TMEM209: variants seen among roughly 807,000 people sequenced by gnomAD.
The protein encoded by TMEM209 is testicular tissue protein Li 202.
Under a neutral mutation model 76.2 loss-of-function variants are expected in TMEM209, and 65 were observed. That is an observed-to-expected ratio of 0.85 (90% confidence interval 0.70 to 1.05). TMEM209 has a LOEUF of 1.05. Among genes scored for constraint, TMEM209 ranks in the 50% least tolerant of loss-of-function variants. TMEM209 has a pLI of 0.00. For missense variants in TMEM209, 623 were observed against 685.5 expected (o/e 0.91, Z 1.02); for synonymous variants, 239 against 237.6 (o/e 1.01, Z -0.06).
intron 8 of TMEM209, among the ~76,000 whole-genome samples, chr7:130,182,681 T>C (rs1325442418): frequency 1.3e-5 from 2 of 152,234 alleles, no homozygotes; most frequent in African/African-American, 4.8e-5. Context: ...TATGTGTTTG[T>C]AGCAACTTCA....
rs566944385 is a variant in TMEM209, at chr7:130,181,189, G to A, written c.1120+434C>T. On this transcript the variant is annotated intron_variant, in intron 9 of 14. Coordinates refer to ENST00000397622, the MANE Select transcript of TMEM209 (RefSeq NM_032842.4). ...ACAAACTTTGAAAGCATTATGCTCA[G>A]TGAAAGAAGCCAGTCACAAAGTCAT... Among the ~76,000 whole-genome samples the A allele has an allele frequency of 2.0e-5, 3 of 152,318 alleles. No individual in the cohort carries two copies. In the East Asian group the frequency reaches 5.8e-4, roughly 29 times the overall value.
At chr7:130,178,259 A>G in intron 10 of TMEM209, 143 bp downstream of exon 10, 1 of 826,742 alleles carries the variant, frequency 1.2e-6, no homozygotes, top group Non-Finnish European at 1.7e-6. Context: ...CCTACACAAA[A>G]TAAAGTTATT....
intron 7 of TMEM209, among the ~76,000 whole-genome samples, chr7:130,184,553 C>T (rs775107861): frequency 4.0e-5 from 6 of 148,236 alleles, no homozygotes; most frequent in Non-Finnish European, 5.9e-5. Context: ...AACACAGTGA[C>T]GCAATCTTAG....
chr7:130,181,827 G>T, intron 8 of TMEM209, 108 bp from the exon 9 acceptor site: 1 of 775,150 alleles, frequency 1.3e-6, no homozygotes, highest in Non-Finnish European at 2.1e-6. Flanking sequence ...CTATCTTATA[G>T]TTGAATATTA....
intron 5 of TMEM209, among the ~76,000 whole-genome samples, chr7:130,194,386 T>C (rs1584690963): frequency 6.6e-6 from 1 of 151,446 alleles, no homozygotes; most frequent in Admixed American, 6.6e-5. Flanking sequence ...GAGGCTATGG[T>C]GAGCCACGAC....
intron 6 of TMEM209, among the ~76,000 whole-genome samples, chr7:130,190,939 C>T (rs752013708): frequency 4.0e-5 from 6 of 148,834 alleles, no homozygotes; most frequent in African/African-American, 1.2e-4. Flanking sequence ...AAGGCTGCAG[C>T]GAGCCAAGAC....
intron 5 of TMEM209, among the ~76,000 whole-genome samples, chr7:130,201,600 T>C (rs1307541601): frequency 6.6e-6 from 1 of 152,224 alleles, no homozygotes; most frequent in Non-Finnish European, 1.5e-5. Context: ...TTGTTTCAAC[T>C]TGTTTTAAAG....
intron 10 of TMEM209, among the ~76,000 whole-genome samples, chr7:130,176,668 C>T (rs893985273): frequency 6.6e-6 from 1 of 151,796 alleles, no homozygotes; most frequent in African/African-American, 2.4e-5. Flanking sequence ...CAATCCAGTT[C>T]TTCTGACAAA....
At position 130,202,085 on chromosome 7, in the gene TMEM209, T is replaced by A. The variant is rs759223524; in HGVS notation, c.338A>T (p.Gln113Leu). ...TLLGLKTAVV[Q>L]TTPPHDLAAT... ...TGCCAGATCATGTGGAGGCGTAGTC[T>A]GTACAACTAGAAGGAAAAAAAAAGC... Residue 113 changes from glutamine to leucine, a missense_variant, in exon 5 of 15, where the codon CAG (glutamine) becomes CTG (leucine). Gln to Leu is a moderately radical substitution (Grantham distance 113, BLOSUM62 -2). Transcript: ENST00000397622. 6.8e-6 allele frequency: 11 copies of A among 1,608,516 alleles called. No homozygotes were observed. In the African/African-American group the frequency reaches 1.5e-4, roughly 22 times the overall value.
intron 1 of TMEM209, 73 bp from the exon 2 acceptor site, chr7:130,204,183 C>A: frequency 6.7e-7 from 1 of 1,495,860 alleles, no homozygotes; most frequent in East Asian, 2.4e-5. Flanking sequence ...AATTTTGCAT[C>A]CCTTATAAAG....
At chr7:130,190,998 T>G (rs1221323194) in intron 6 of TMEM209, among the ~76,000 whole-genome samples, 1 of 151,878 alleles carries the variant, frequency 6.6e-6, no homozygotes, top group East Asian at 1.9e-4. Context: ...AAAAAAAGTT[T>G]GATGGGGACC....
At chr7:130,177,698 G>A (rs971221869) in intron 10 of TMEM209, among the ~76,000 whole-genome samples, 1 of 152,086 alleles carries the variant, frequency 6.6e-6, no homozygotes, top group African/African-American at 2.4e-5. Flanking sequence ...GTTGAGGCTG[G>A]GTGATGTGTA....
Position 130,205,405 on chromosome 7 carries a change from C to T in TMEM209, c.-30G>A. The T allele has an allele frequency of 6.2e-7, 1 of 1,613,682 alleles. No individual in the cohort carries two copies. The highest frequency in any genetic ancestry group is 8.5e-7 in the Non-Finnish European group (1 of 1,179,894). On this transcript the variant is annotated 5_prime_UTR_variant, in exon 1 of 15. Transcript: ENST00000397622. ...TCTGGCCGGAAAACGCAGGCTCGCGCCACTCTCTCTGGGCATGCGCAAAGC... is the reference window on the plus strand; with the variant it reads ...TCTGGCCGGAAAACGCAGGCTCGCGTCACTCTCTCTGGGCATGCGCAAAGC...
At chr7:130,177,594 G>A (rs1313167689) in intron 10 of TMEM209, among the ~76,000 whole-genome samples, 1 of 152,060 alleles carries the variant, frequency 6.6e-6, no homozygotes, top group African/African-American at 2.4e-5. Flanking sequence ...ATTTACAGAT[G>A]AACTGATAAT....
At chr7:130,176,116 T>TTG (rs967077616) in intron 10 of TMEM209, among the ~76,000 whole-genome samples, 3 of 35,754 alleles carry the variant, frequency 8.4e-5, no homozygotes, top group African/African-American at 6.6e-4. Flanking sequence ...CACTGTATTC[T>TTG]TTTTTTTTTT....
chr7:130,193,823 A>C (rs190475101), intron 5 of TMEM209, among the ~76,000 whole-genome samples: 2 of 152,266 alleles, frequency 1.3e-5, no homozygotes, highest in South Asian at 2.1e-4. Flanking sequence ...AGAACGTACA[A>C]CACCAAGAGT....
intron 6 of TMEM209, among the ~76,000 whole-genome samples, chr7:130,187,389 T>G (rs540612489): frequency 2.2e-4 from 33 of 152,234 alleles, no homozygotes; most frequent in Admixed American, 5.9e-4. Context: ...GAGGCTGCTG[T>G]GGCGTGGCTG....
At position 130,192,747 on chromosome 7, in the gene TMEM209, GATCTCA is replaced by G; in HGVS notation, c.644_649del (p.Leu215_Arg216del). 6.2e-7 allele frequency: 1 copy of G among 1,613,972 alleles called. No individual in the cohort carries two copies. Among genetic ancestry groups the G allele is most frequent in the Non-Finnish European group, 8.5e-7 (1 of 1,179,846 alleles). On this transcript the variant is annotated inframe_deletion, in exon 6 of 15. Transcript: ENST00000397622. ...GACGGTAGGTGAAGAACGGTAGCGA[GATCTCA>G]ATCCACTGCTCTCCACTGGTCCAAC...
chr7:130,191,833 C>G (rs1797806648), intron 6 of TMEM209, among the ~76,000 whole-genome samples: 1 of 152,036 alleles, frequency 6.6e-6, no homozygotes, highest in Non-Finnish European at 1.5e-5. Context: ...TCAGTAGACT[C>G]AAAATATTTC....
Sources: gnomAD v4.1 joint callset for allele counts (sites outside exome capture counted in the v4.1 genomes callset) on GRCh38, gnomAD v4.1.1 for gene constraint, MANE v1.5 for transcripts, NCBI Gene and HGNC (gene_info 2026-07-23, HGNC 2026-07-21) for gene names.